MRPS27: variants seen among roughly 807,000 people sequenced by gnomAD.
MRPS27 encodes small ribosomal subunit protein mS27.
Under a neutral mutation model 48.9 loss-of-function variants are expected in MRPS27, and 43 were observed. That is an observed-to-expected ratio of 0.88 (90% CI 0.69 to 1.13). The LOEUF (loss-of-function observed/expected upper bound fraction) is 1.13. Among genes scored for constraint, MRPS27 ranks in the 50% most tolerant of loss-of-function variants. The pLI is 0.00. For synonymous variants in MRPS27, 188 were observed against 171.9 expected, an observed-to-expected ratio of 1.09 and a Z score of -0.73; for missense variants, 467 against 476.3, an observed-to-expected ratio of 0.98 and a Z score of 0.18.
chr5:72,286,796 A>AAT (rs1749683474), intron 4 of MRPS27, among the ~76,000 whole-genome samples: 1 of 152,222 alleles, frequency 6.6e-6, no homozygotes, highest in African/African-American at 2.4e-5. Flanking sequence ...ACTGCTGGGA[A>AAT]ATAGTATGGC....
chr5:72,298,185 CA>C (rs1296877079), intron 2 of MRPS27, among the ~76,000 whole-genome samples: 1 of 152,032 alleles, frequency 6.6e-6, no homozygotes, highest in Non-Finnish European at 1.5e-5. Flanking sequence ...ATTCAACAAG[CA>C]AAAACCAAAT....
At chr5:72,302,723 A>T (rs1750155928) in intron 2 of MRPS27, among the ~76,000 whole-genome samples, 1 of 152,188 alleles carries the variant, frequency 6.6e-6, no homozygotes, top group African/African-American at 2.4e-5. Flanking sequence ...AGAGCATGTG[A>T]TGATCTACAG....
At chr5:72,251,941 G>C (rs904661695) in intron 4 of MRPS27, among the ~76,000 whole-genome samples, 1 of 152,184 alleles carries the variant, frequency 6.6e-6, no homozygotes, top group African/African-American at 2.4e-5. Flanking sequence ...GAAAGCACCT[G>C]TTCCTGCTCC....
chr5:72,317,924 C>A (rs146987499), intron 1 of MRPS27, among the ~76,000 whole-genome samples: 1 of 152,306 alleles, frequency 6.6e-6, no homozygotes, highest in Non-Finnish European at 1.5e-5. Context: ...TTACTTTAAG[C>A]TGGGGTGTCC....
intron 4 of MRPS27, among the ~76,000 whole-genome samples, chr5:72,253,179 G>A (rs1439123171): frequency 6.6e-6 from 1 of 152,074 alleles, no homozygotes; most frequent in African/African-American, 2.4e-5. Context: ...TTCTTTTTCT[G>A]CTAACTCCAT....
chr5:72,261,524 A>C (rs1027724014), intron 4 of MRPS27, among the ~76,000 whole-genome samples: 7 of 152,080 alleles, frequency 4.6e-5, no homozygotes, highest in Non-Finnish European at 8.8e-5. Context: ...GGAAAAAAAA[A>C]AACAAAAACT....
At chr5:72,268,484 C>T (rs908552234) in intron 4 of MRPS27, among the ~76,000 whole-genome samples, 1 of 152,120 alleles carries the variant, frequency 6.6e-6, no homozygotes, top group Non-Finnish European at 1.5e-5. Flanking sequence ...ATGAAACATA[C>T]CAGTATAATT....
At chr5:72,278,841 T>G (rs1017393023) in intron 4 of MRPS27, among the ~76,000 whole-genome samples, 1 of 152,234 alleles carries the variant, frequency 6.6e-6, no homozygotes, top group African/African-American at 2.4e-5. Flanking sequence ...TTTCTCACTG[T>G]TGTATGGTAT....
chr5:72,253,598 G>C (rs963616320), intron 4 of MRPS27, among the ~76,000 whole-genome samples: 1 of 151,926 alleles, frequency 6.6e-6, no homozygotes, highest in South Asian at 2.1e-4. Context: ...CACCACAAAG[G>C]CCAAAAATAA....
intron 2 of MRPS27, among the ~76,000 whole-genome samples, chr5:72,312,741 C>T (rs1385691325): frequency 6.6e-6 from 1 of 151,776 alleles, no homozygotes; most frequent in Non-Finnish European, 1.5e-5. Context: ...CTGCCTCAGC[C>T]TCCGGAGTAG....
chr5:72,255,625 C>T (rs1204157746), intron 4 of MRPS27, among the ~76,000 whole-genome samples: 6 of 152,104 alleles, frequency 3.9e-5, no homozygotes, highest in African/African-American at 1.2e-4. Flanking sequence ...AGTAACTATG[C>T]GAATTGCTTT....
Position 72,295,576 on chromosome 5 carries a change from A to G in MRPS27, c.236T>C (p.Ile79Thr), listed in dbSNP as rs373063375. Residue 79 changes from isoleucine to threonine, a missense_variant, in exon 4 of 11, where the codon ATT becomes ACT. Coordinates refer to ENST00000261413, the MANE Select transcript of MRPS27 (RefSeq NM_015084.3). ...ATGATCTATCTCTTCCCGAGAGGAA[A>G]TGTTGTCTATAAGCTAAAAGACAGA... ...SLTISRLIDN[I>T]SSREEIDHAE... The G allele has an allele frequency of 1.9e-6, 3 of 1,610,144 alleles. No individual in the cohort carries two copies. The highest frequency in any genetic ancestry group is 1.7e-6 in the Non-Finnish European group (2 of 1,176,576).
chr5:72,314,990 C>T (rs2112092600), intron 1 of MRPS27, among the ~76,000 whole-genome samples: 1 of 152,296 alleles, frequency 6.6e-6, no homozygotes, highest in East Asian at 1.9e-4. Flanking sequence ...GCTGAGGTAA[C>T]GTACAAGATA....
intron 4 of MRPS27, among the ~76,000 whole-genome samples, chr5:72,293,848 T>C (rs1257772058): frequency 6.6e-6 from 1 of 152,118 alleles, no homozygotes; most frequent in Non-Finnish European, 1.5e-5. Context: ...TTGCTATAAA[T>C]AAAAATATGA....
intron 2 of MRPS27, chr5:72,308,072 C>T (rs1173353950): frequency 6.6e-6 from 1 of 152,212 alleles, no homozygotes; most frequent in Admixed American, 6.5e-5. Flanking sequence ...GGCGTTCTGA[C>T]GTTCGCGCCG....
At chr5:72,279,783 AC>A (rs1749486151) in intron 4 of MRPS27, among the ~76,000 whole-genome samples, 1 of 152,152 alleles carries the variant, frequency 6.6e-6, no homozygotes, top group Admixed American at 6.5e-5. Context: ...TCAAAAAAAA[AC>A]AAATCCTTCA....
intron 7 of MRPS27, 107 bp downstream of exon 7, chr5:72,232,336 G>C: frequency 1.5e-6 from 1 of 676,398 alleles, no homozygotes. Flanking sequence ...CACATTCCTG[G>C]TTGTGCCTGG....
At chr5:72,310,748 T>G (rs1750422999) in intron 2 of MRPS27, among the ~76,000 whole-genome samples, 1 of 152,156 alleles carries the variant, frequency 6.6e-6, no homozygotes, top group South Asian at 2.1e-4. Flanking sequence ...AACAACATAT[T>G]TGCATTACAT....
chr5:72,230,156 A>G (rs1384866647), intron 7 of MRPS27, among the ~76,000 whole-genome samples: 3 of 152,128 alleles, frequency 2.0e-5, no homozygotes, highest in African/African-American at 7.2e-5. Flanking sequence ...TGGCCTCTCA[A>G]AGTACTAAGA....
Sources: allele counts gnomAD v4.1 joint callset (sites outside exome capture counted in the v4.1 genomes callset), GRCh38; gene constraint gnomAD v4.1.1; transcripts MANE v1.5; gene names NCBI Gene and HGNC (gene_info 2026-07-23, HGNC 2026-07-21).